CERS3: variants seen among roughly 807,000 people sequenced by gnomAD.
The protein encoded by CERS3 is ceramide synthase 3.
In CERS3, 33 loss-of-function variants were observed where a neutral mutation model predicts 50.3. The ratio of observed to expected loss-of-function variants is 0.66; its 90% CI spans 0.50 to 0.88. The LOEUF (loss-of-function observed/expected upper bound fraction) is 0.88. Among genes scored for constraint, CERS3 ranks in the 40% least tolerant of loss-of-function variants. CERS3 has a pLI of 0.00. For missense variants in CERS3, 470 were observed against 460.3 expected (o/e 1.02, Z -0.19); for synonymous variants, 176 against 155.2 (o/e 1.13, Z -0.99).
At chr15:100,454,458 A>G (rs145912298) in intron 11 of CERS3, among the ~76,000 whole-genome samples, 51 of 151,656 alleles carry the variant, frequency 3.4e-4, no homozygotes, top group African/African-American at 1.1e-3. Flanking sequence ...GGGGGAAAGG[A>G]CATCCTCTTC....
intron 11 of CERS3, among the ~76,000 whole-genome samples, chr15:100,423,048 G>C (rs1337486118): frequency 3.3e-5 from 5 of 149,910 alleles, no homozygotes; most frequent in African/African-American, 9.9e-5. Context: ...TAACTAACCT[G>C]CACATTGTGC....
chr15:100,417,251 G>A (rs893025210), intron 11 of CERS3, among the ~76,000 whole-genome samples: 18 of 151,916 alleles, frequency 1.2e-4, no homozygotes, highest in African/African-American at 2.2e-4. Flanking sequence ...GAAGCAGGGC[G>A]AGGCATTGCC....
intron 11 of CERS3, among the ~76,000 whole-genome samples, chr15:100,444,466 C>CTGA: frequency 6.6e-6 from 1 of 152,306 alleles, no homozygotes; most frequent in South Asian, 2.1e-4. Context: ...GCTTCTCACC[C>CTGA]TGATCACACT....
intron 2 of CERS3, among the ~76,000 whole-genome samples, chr15:100,509,267 G>A (rs1206806056): frequency 6.6e-6 from 1 of 152,160 alleles, no homozygotes; most frequent in African/African-American, 2.4e-5. Context: ...TGGGCCACAA[G>A]TTTATCACTA....
intron 11 of CERS3, among the ~76,000 whole-genome samples, chr15:100,415,081 ATT>A (rs1208291167): frequency 6.6e-6 from 1 of 152,164 alleles, no homozygotes; most frequent in Non-Finnish European, 1.5e-5. Context: ...ACTTAAACAA[ATT>A]TACAAGAAAA....
chr15:100,425,731 A>G (rs1208241308), intron 11 of CERS3, among the ~76,000 whole-genome samples: 1 of 152,120 alleles, frequency 6.6e-6, no homozygotes, highest in African/African-American at 2.4e-5. Context: ...AGATGGGATA[A>G]TTGTATTTTG....
At chr15:100,499,593 T>G (rs2035936531) in intron 3 of CERS3, among the ~76,000 whole-genome samples, 1 of 152,192 alleles carries the variant, frequency 6.6e-6, no homozygotes, top group African/African-American at 2.4e-5. Context: ...AAATCACAAC[T>G]CTTGGTCACT....
At chr15:100,495,102 G>A (rs544616404) in intron 3 of CERS3, among the ~76,000 whole-genome samples, 1 of 152,318 alleles carries the variant, frequency 6.6e-6, no homozygotes, top group South Asian at 2.1e-4. Context: ...AGACAGCATT[G>A]TGAGTAGTGC....
At chr15:100,513,814 G>C (rs1001088021) in intron 2 of CERS3, among the ~76,000 whole-genome samples, 18 of 152,134 alleles carry the variant, frequency 1.2e-4, no homozygotes, top group African/African-American at 4.3e-4. Flanking sequence ...TGGAATTACT[G>C]TCAAAGTTCT....
intron 11 of CERS3, among the ~76,000 whole-genome samples, chr15:100,438,676 T>C (rs1326774919): frequency 6.6e-6 from 1 of 152,244 alleles, no homozygotes; most frequent in East Asian, 1.9e-4. Context: ...GTTCAGTGTA[T>C]GTAAAGTGTC....
chr15:100,455,787 A>G (rs2034346365), intron 11 of CERS3, 106 bp downstream of exon 11: 1 of 784,558 alleles, frequency 1.3e-6, no homozygotes, highest in South Asian at 5.2e-5. Context: ...ATCAAGAAAA[A>G]AGAATTCTGG....
chr15:100,537,016 A>G (rs1028857207), intron 1 of CERS3, among the ~76,000 whole-genome samples: 3 of 152,228 alleles, frequency 2.0e-5, no homozygotes, highest in Non-Finnish European at 4.4e-5. Flanking sequence ...CCTGATCTTA[A>G]GGAGATTATG....
chr15:100,486,970 G>A (rs2035503532), intron 4 of CERS3, among the ~76,000 whole-genome samples: 1 of 152,156 alleles, frequency 6.6e-6, no homozygotes, highest in African/African-American at 2.4e-5. Context: ...CTGTTTATGA[G>A]TCGAAGCTTT....
chr15:100,403,385 G>A (rs2030710877), intron 11 of CERS3, among the ~76,000 whole-genome samples: 1 of 151,920 alleles, frequency 6.6e-6, no homozygotes, highest in East Asian at 1.9e-4. Context: ...CCCAAGGCAA[G>A]CAAAAGGAAG....
chr15:100,425,237 G>T (rs1407852421), intron 11 of CERS3, among the ~76,000 whole-genome samples: 1 of 152,222 alleles, frequency 6.6e-6, no homozygotes, highest in Non-Finnish European at 1.5e-5. Context: ...GTGGAGCTGC[G>T]AGAAGAGGGC....
chr15:100,456,675 G>A (rs1008000034), intron 10 of CERS3, among the ~76,000 whole-genome samples: 5 of 152,156 alleles, frequency 3.3e-5, no homozygotes, highest in African/African-American at 1.2e-4. Flanking sequence ...GGCCGGGCAT[G>A]GTGGCTCATG....
At chr15:100,488,228 G>A (rs1395528577) in intron 4 of CERS3, among the ~76,000 whole-genome samples, 1 of 152,352 alleles carries the variant, frequency 6.6e-6, no homozygotes, top group South Asian at 2.1e-4. Context: ...CCAGCCCACA[G>A]TAGATGTCAT....
At chr15:100,465,499 C>A (rs1367000526) in intron 10 of CERS3, among the ~76,000 whole-genome samples, 1 of 152,150 alleles carries the variant, frequency 6.6e-6, no homozygotes, top group Non-Finnish European at 1.5e-5. Context: ...AAAGAAGCTC[C>A]CTCTCTGATT....
At chr15:100,508,535 CAT>C (rs372863991) in intron 2 of CERS3, among the ~76,000 whole-genome samples, 4 of 152,322 alleles carry the variant, frequency 2.6e-5, no homozygotes, top group African/African-American at 7.2e-5. Context: ...TAAAACCCCA[CAT>C]GTCACTGCTG....
Sources: gnomAD v4.1 joint callset for allele counts (sites outside exome capture counted in the v4.1 genomes callset) on GRCh38, gnomAD v4.1.1 for gene constraint, MANE v1.5 for transcripts, NCBI Gene and HGNC (gene_info 2026-07-23, HGNC 2026-07-21) for gene names.